The following SDK1 variants were observed in gnomAD, a reference collection of about 807,000 sequenced individuals.
SDK1 encodes the protein sidekick cell adhesion molecule 1.
SDK1 carries 157 observed loss-of-function variants against 245.5 expected under a neutral mutation model. The ratio of observed to expected loss-of-function variants is 0.64; its 90% CI spans 0.56 to 0.73. SDK1 has a LOEUF of 0.73. Among genes scored for constraint, SDK1 ranks in the 30% least tolerant of loss-of-function variants. The probability of loss-of-function intolerance (pLI) is 0.00; values close to 1 mark genes in which losing one functional copy is unlikely to be tolerated. For missense variants in SDK1, 3,583 were observed against 3,002.3 expected, an observed-to-expected ratio of 1.19 and a Z score of -4.52; for synonymous variants, 1,647 against 1,278.5, an observed-to-expected ratio of 1.29 and a Z score of -6.15.
chr7:3,987,086 A>G, intron 13 of SDK1, 100 bp from the exon 14 acceptor site: 2 of 1,201,378 alleles, frequency 1.7e-6, no homozygotes, highest in Non-Finnish European at 2.4e-6. Flanking sequence ...TTCATTTCCC[A>G]AACATGACAC....
At chr7:3,639,376 G>T (rs1782574272) in intron 3 of SDK1, among the ~76,000 whole-genome samples, 1 of 152,274 alleles carries the variant, frequency 6.6e-6, no homozygotes, top group South Asian at 2.1e-4. Context: ...AGTGAATGGG[G>T]TGCCTTCTGT....
Position 3,845,392 on chromosome 7 carries a change from A to C in SDK1, c.847+23809A>C, listed in dbSNP as rs140943389. 5.6e-3 allele frequency among the ~76,000 whole-genome samples: 825 copies of C among 147,526 alleles called. 7 individuals are homozygous for C. Among genetic ancestry groups the C allele is most frequent in the African/African-American group, 0.019 (765 of 40,384 alleles). ...GTAATCCCAGCTACTTAGGAGGCAG[A>C]GGCAGGAGAATCGCTTGAACCCGGG... On this transcript the variant is annotated intron_variant, in intron 5 of 44. Coordinates refer to ENST00000404826, the MANE Select transcript of SDK1 (RefSeq NM_152744.4).
chr7:3,531,907 A>G lies in SDK1; in HGVS notation c.299-87173A>G, dbSNP rs561405905. 7.2e-5 allele frequency among the ~76,000 whole-genome samples: 11 copies of G among 152,274 alleles called. No homozygotes were observed. In the South Asian group the frequency reaches 2.3e-3, roughly 32 times the overall value. ...TAGGCTTTTGTTTTAAACTTGATTC[A>G]TTTATTTGTACTAAAGTAGCAGGTT... On this transcript the variant is annotated intron_variant, in intron 1 of 44. Transcript: ENST00000404826.
At chr7:3,530,408 C>T (rs1274969063) in intron 1 of SDK1, among the ~76,000 whole-genome samples, 1 of 152,056 alleles carries the variant, frequency 6.6e-6, no homozygotes, top group African/African-American at 2.4e-5. Flanking sequence ...AATTTTAGGG[C>T]TTCCCAAATT....
chr7:3,561,758 C>T (rs1184590320), intron 1 of SDK1, among the ~76,000 whole-genome samples: 12 of 152,194 alleles, frequency 7.9e-5, no homozygotes, highest in Admixed American at 3.3e-4. Context: ...CTCACGTTCC[C>T]TTCCAGAATA....
Position 3,842,904 on chromosome 7 carries a change from A to G in SDK1, c.847+21321A>G, listed in dbSNP as rs73310072. Among the ~76,000 whole-genome samples, 952 of 152,200 alleles carry G rather than the reference A, an allele frequency of 6.3e-3. 11 individuals carry two copies. The highest frequency in any genetic ancestry group is 0.022 in the African/African-American group (912 of 41,536). On this transcript the variant is annotated intron_variant, in intron 5 of 44. Coordinates refer to ENST00000404826, the MANE Select transcript of SDK1 (RefSeq NM_152744.4). ...ATCTGTGGCTCCAGCGTTCACCACA[A>G]TGGTCTCTTTAGGAAAGGATTCCCA...
chr7:3,326,113 G>T (rs1203165500), intron 1 of SDK1, among the ~76,000 whole-genome samples: 2 of 152,002 alleles, frequency 1.3e-5, no homozygotes, highest in African/African-American at 4.8e-5. Flanking sequence ...CCTCCTAATG[G>T]CTTAGTGTTT....
intron 5 of SDK1, among the ~76,000 whole-genome samples, chr7:3,944,649 GA>G (rs1780504178): frequency 6.6e-6 from 1 of 152,146 alleles, no homozygotes; most frequent in Non-Finnish European, 1.5e-5. Context: ...CCTTTTGGTA[GA>G]AAAGCCATCA....
chr7:3,636,402 A>G (rs1782458455), intron 2 of SDK1, among the ~76,000 whole-genome samples: 1 of 151,914 alleles, frequency 6.6e-6, no homozygotes, highest in African/African-American at 2.4e-5. Flanking sequence ...CCACCATTTC[A>G]CACTCTGCTT....
intron 13 of SDK1, among the ~76,000 whole-genome samples, chr7:3,978,133 A>G (rs550852100): frequency 6.6e-6 from 1 of 151,698 alleles, no homozygotes; most frequent in South Asian, 2.1e-4. Flanking sequence ...ATGGCCAGTG[A>G]GTTCCTAGGA....
intron 4 of SDK1, among the ~76,000 whole-genome samples, chr7:3,765,972 C>G (rs1343913690): frequency 1.3e-5 from 2 of 152,104 alleles, no homozygotes; most frequent in African/African-American, 2.4e-5. Context: ...GATACAGAAC[C>G]TAGGAGCAAT....
chr7:3,587,270 T>C (rs1377503187), intron 1 of SDK1, among the ~76,000 whole-genome samples: 1 of 151,786 alleles, frequency 6.6e-6, no homozygotes, highest in Non-Finnish European at 1.5e-5. Context: ...TTGCTGTTTG[T>C]ATTAGTCAAG....
chr7:3,790,830 G>A (rs1352635329), intron 4 of SDK1, among the ~76,000 whole-genome samples: 2 of 152,090 alleles, frequency 1.3e-5, no homozygotes, highest in Non-Finnish European at 2.9e-5. Context: ...GTCTGGTAGT[G>A]GTTGCTTTTG....
intron 31 of SDK1, among the ~76,000 whole-genome samples, chr7:4,161,380 C>T (rs1388777635): frequency 2.6e-5 from 4 of 152,120 alleles, no homozygotes; most frequent in Non-Finnish European, 5.9e-5. Flanking sequence ...GATCATGTGT[C>T]CTATTCAGGA....
intron 1 of SDK1, among the ~76,000 whole-genome samples, chr7:3,609,610 C>T (rs1356892789): frequency 6.6e-6 from 1 of 152,008 alleles, no homozygotes; most frequent in African/African-American, 2.4e-5. Context: ...CTGTGTTTGC[C>T]AGGATGGTCT....
At chr7:3,430,377 G>C (rs1021615509) in intron 1 of SDK1, among the ~76,000 whole-genome samples, 46 of 152,068 alleles carry the variant, frequency 3.0e-4, no homozygotes, top group African/African-American at 9.4e-4. Flanking sequence ...AAGACTACAA[G>C]CGTATTTCAC....
At chr7:4,048,545 T>C (rs1195616942) in intron 17 of SDK1, among the ~76,000 whole-genome samples, 4 of 151,988 alleles carry the variant, frequency 2.6e-5, no homozygotes, top group Non-Finnish European at 5.9e-5. Flanking sequence ...GGCAACATTT[T>C]GCCTTTTCCC....
At chr7:3,812,952 T>A (rs1395421136) in intron 4 of SDK1, among the ~76,000 whole-genome samples, 1 of 152,198 alleles carries the variant, frequency 6.6e-6, no homozygotes, top group Non-Finnish European at 1.5e-5. Flanking sequence ...CTTCTTTTGC[T>A]TTTAAGATGT....
intron 5 of SDK1, among the ~76,000 whole-genome samples, chr7:3,893,065 C>T (rs1562517513): frequency 5.3e-5 from 8 of 152,158 alleles, no homozygotes; most frequent in Admixed American, 5.2e-4. Context: ...AGGTGTGGGT[C>T]CATCATATAC....
Sources: allele counts gnomAD v4.1 joint callset (sites outside exome capture counted in the v4.1 genomes callset), GRCh38; gene constraint gnomAD v4.1.1; transcripts MANE v1.5; gene names NCBI Gene and HGNC (gene_info 2026-07-23, HGNC 2026-07-21).